EIF4B: variants seen among roughly 807,000 people sequenced by gnomAD.
The protein encoded by EIF4B is eukaryotic translation initiation factor 4B.
Under a neutral mutation model 79.3 loss-of-function variants are expected in EIF4B, and 8 were observed. That is an observed-to-expected ratio of 0.10 (90% CI 0.06 to 0.18). The LOEUF (loss-of-function observed/expected upper bound fraction) is 0.18, where lower values mean the gene tolerates loss of function less well. EIF4B is among the 10% of genes least tolerant of loss of function. The pLI is 1.00. For missense variants in EIF4B, 515 were observed against 792.4 expected, an observed-to-expected ratio of 0.65 and a Z score of 4.20; for synonymous variants, 238 against 274.7, an observed-to-expected ratio of 0.87 and a Z score of 1.32.
chr12:53,015,125 A>G (rs1943128362), intron 1 of EIF4B, among the ~76,000 whole-genome samples: 1 of 152,188 alleles, frequency 6.6e-6, no homozygotes, highest in Non-Finnish European at 1.5e-5. Flanking sequence ...CATTTTTTCT[A>G]GAGGGCAGAG....
rs759061266 is a variant in EIF4B, at chr12:53,030,413, CTTTT to C, written c.979+2247_979+2250del. 8.5e-3 allele frequency among the ~76,000 whole-genome samples: 367 copies of C among 43,042 alleles called. 3 individuals carry two copies. Among genetic ancestry groups the C allele is most frequent in the African/African-American group, 0.013 (244 of 19,152 alleles). The allele number at this position is 43,042 out of a possible 152,430, so 28.2% of individuals were successfully genotyped here. On this transcript the variant is annotated intron_variant, in intron 8 of 14. Transcript: ENST00000262056. ...GAAATAGGTTTTAAAAAATTATATTCTTTTTTTTTTTTTTTTTTTTTTTTTGAGA... is the reference window on the plus strand; with the variant it reads ...GAAATAGGTTTTAAAAAATTATATTCTTTTTTTTTTTTTTTTTTTTTGAGA...
At chr12:53,012,680 A>C (rs899959326) in intron 1 of EIF4B, among the ~76,000 whole-genome samples, 1 of 142,816 alleles carries the variant, frequency 7.0e-6, no homozygotes, top group African/African-American at 2.6e-5. Context: ...ATCTCAGCTC[A>C]CTGCAAGCTC....
chr12:53,029,015 A>G (rs533476157), intron 8 of EIF4B, among the ~76,000 whole-genome samples: 1 of 151,400 alleles, frequency 6.6e-6, no homozygotes, highest in Admixed American at 6.6e-5. Flanking sequence ...CATCCCAGCT[A>G]CTCGGGTGGC....
chr12:53,018,752 TGA>T (rs1304859343), intron 2 of EIF4B, 44 bp from the exon 3 acceptor site: 2 of 1,600,432 alleles, frequency 1.2e-6, no homozygotes, highest in Admixed American at 1.7e-5. Flanking sequence ...ATGACAGTAG[TGA>T]GAGAAGTTTC....
At chr12:53,020,116 T>G (rs529819880) in intron 4 of EIF4B, 90 bp downstream of exon 4, 1 of 1,050,508 alleles carries the variant, frequency 9.5e-7, no homozygotes, top group South Asian at 1.6e-5. Context: ...GTTGAGAGGC[T>G]CACTTCAAAG....
chr12:53,039,662 C>A lies in EIF4B; in HGVS notation c.1715C>A (p.Ser572Tyr). The A allele has an allele frequency of 1.2e-6, 2 of 1,613,844 alleles. No homozygotes were observed. The highest frequency in any genetic ancestry group is 1.7e-6 in the Non-Finnish European group (2 of 1,179,832). ...GGCAAAAAGGATCAAGACTCCAGATCTGCACCTGAGCCAAAGAAACCTGAG... is the reference window on the plus strand; with the variant it reads ...GGCAAAAAGGATCAAGACTCCAGATATGCACCTGAGCCAAAGAAACCTGAG... ...KDGKKDQDSR[S>Y]APEPKKPEEN... Residue 572 changes from serine (S) to tyrosine (Y), a missense_variant, in exon 14 of 15, where the codon TCT (serine) becomes TAT (tyrosine). Around this residue, in one of 6 missense-constraint regions of EIF4B, gnomAD observed 60 missense variants for 56.7 expected, o/e 1.06. Transcript: ENST00000262056.
intron 1 of EIF4B, among the ~76,000 whole-genome samples, chr12:53,015,410 T>C (rs1230555250): frequency 6.6e-6 from 1 of 152,216 alleles, no homozygotes; most frequent in Non-Finnish European, 1.5e-5. Context: ...CCAGGCACCA[T>C]GGCTCATACC....
At chr12:53,027,420 C>T (rs1943355902) in intron 6 of EIF4B, among the ~76,000 whole-genome samples, 1 of 151,748 alleles carries the variant, frequency 6.6e-6, no homozygotes, top group African/African-American at 2.4e-5. Context: ...CAGGCATGAG[C>T]CACCGTGACC....
chr12:53,025,543 C>A (rs185393808), intron 6 of EIF4B, among the ~76,000 whole-genome samples: 1 of 152,276 alleles, frequency 6.6e-6, no homozygotes, highest in Admixed American at 6.5e-5. Flanking sequence ...TATGCTTTCT[C>A]AGGAAACACA....
intron 5 of EIF4B, chr12:53,022,176 C>T (rs1225759353): frequency 1.5e-6 from 1 of 664,198 alleles, no homozygotes; most frequent in Non-Finnish European, 2.7e-6. Flanking sequence ...TCTAGATGAA[C>T]ATTAAATAGA....
chr12:53,030,266 G>A (rs1305728856), intron 8 of EIF4B, among the ~76,000 whole-genome samples: 5 of 129,682 alleles, frequency 3.9e-5, no homozygotes, highest in Middle Eastern at 3.8e-3. Context: ...TGTAGTCCCC[G>A]TGTCTTAGGA....
chr12:53,010,400 A>AT (rs1419395341), intron 1 of EIF4B, among the ~76,000 whole-genome samples: 4 of 152,088 alleles, frequency 2.6e-5, no homozygotes, highest in East Asian at 1.9e-4. Context: ...TAGTAAATGC[A>AT]TTTTTTTACT....
intron 2 of EIF4B, among the ~76,000 whole-genome samples, chr12:53,017,921 C>T (rs1194201947): frequency 6.6e-6 from 1 of 152,166 alleles, no homozygotes; most frequent in Non-Finnish European, 1.5e-5. Flanking sequence ...GGTCGTACTT[C>T]CCATAGGTGT....
intron 5 of EIF4B, 31 bp downstream of exon 5, chr12:53,021,891 T>G (rs1391005298): frequency 6.2e-7 from 1 of 1,613,832 alleles, no homozygotes; most frequent in African/African-American, 1.3e-5. Context: ...TTCTGTTTGG[T>G]AATGGTCCCA....
In EIF4B at chr12:53,040,663, T is replaced by C. The variant is rs1943618966; in HGVS notation, c.*440T>C. ...GTGGCATATATGAATTCTCAAACAT[T>C]ATCTGAATAAATTTTCCACTCTTGG... On this transcript the variant is annotated 3_prime_UTR_variant, in exon 15 of 15. Transcript: ENST00000262056. 6.5e-6 allele frequency: 1 copy of C among 153,142 alleles called. No individual in the cohort carries two copies. Among genetic ancestry groups the C allele is most frequent in the Non-Finnish European group, 1.5e-5 (1 of 68,700 alleles). The allele number at this position is 153,142 out of a possible 1,614,324, so 9.5% of individuals were successfully genotyped here.
At chr12:53,020,775 G>T (rs1012243183) in intron 4 of EIF4B, among the ~76,000 whole-genome samples, 1 of 152,122 alleles carries the variant, frequency 6.6e-6, no homozygotes, top group African/African-American at 2.4e-5. Context: ...CCTGTAGTCA[G>T]TGTGAAATAG....
chr12:53,034,787 G>A, intron 10 of EIF4B, 78 bp downstream of exon 10: 1 of 1,501,928 alleles, frequency 6.7e-7, no homozygotes, highest in Non-Finnish European at 9.3e-7. Context: ...CAGAGACCCT[G>A]CAATATTTAA....
rs1377013973 is a variant in EIF4B, at chr12:53,039,572, T to C, written c.1683-58T>C. ...TGCCTTGAAACTGCATGCATACACATGTTTGTATTAGGCGAGTCCTTTCCT... is the reference window on the plus strand; with the variant it reads ...TGCCTTGAAACTGCATGCATACACACGTTTGTATTAGGCGAGTCCTTTCCT... On this transcript the variant is annotated intron_variant, in intron 13 of 14. Transcript: ENST00000262056. 11 of 1,500,984 alleles carry C rather than the reference T, an allele frequency of 7.3e-6. No homozygotes were observed. The African/African-American group carries it at 1.1e-4, about 15-fold the overall frequency. The allele number at this position is 1,500,984 out of a possible 1,614,324, so 93.0% of individuals were successfully genotyped here.
Position 53,041,994 on chromosome 12 carries a change from TC to T in EIF4B, c.*1774del, listed in dbSNP as rs932975929. The T allele has an allele frequency of 2.0e-5, 3 of 152,642 alleles. No homozygotes were observed. The highest frequency in any genetic ancestry group is 2.1e-4 in the South Asian group (1 of 4,832). 9.5% of individuals were successfully genotyped at this position (152,642 alleles called of 1,614,324 possible). ...AAATAGTTATATCCAAAACTGTTTT[TC>T]CCTCTCCCCTACCTTGTCCCCCCTA... On this transcript the variant is annotated 3_prime_UTR_variant, in exon 15 of 15. Coordinates refer to ENST00000262056, the MANE Select transcript of EIF4B (RefSeq NM_001417.7).
Sources: gnomAD v4.1 joint callset for allele counts (sites outside exome capture counted in the v4.1 genomes callset) on GRCh38, gnomAD v4.1.1 for gene constraint, gnomAD v4.1.1 regional missense constraint, MANE v1.5 for transcripts, NCBI Gene and HGNC (gene_info 2026-07-23, HGNC 2026-07-21) for gene names.